Variants in GCSAML observed in about 807,000 individuals in gnomAD.
GCSAML encodes the protein germinal center-associated signaling and motility-like protein.
In GCSAML, 9 loss-of-function variants were observed where a neutral mutation model predicts 13.0. The observed-to-expected ratio is 0.69, with a 90% CI of 0.42 to 1.21. The LOEUF (loss-of-function observed/expected upper bound fraction) is 1.21, where lower values mean the gene tolerates loss of function less well. Ranked by LOEUF, GCSAML falls within the 50% of genes most tolerant of loss-of-function variation. The pLI is 0.00. For synonymous variants in GCSAML, 37 were observed against 52.9 expected (o/e 0.70, Z 1.31); for missense variants, 143 against 153.4 (o/e 0.93, Z 0.36).
At chr1:247,550,675 A>G (rs1295359676) in intron 1 of GCSAML, among the ~76,000 whole-genome samples, 4 of 152,116 alleles carry the variant, frequency 2.6e-5, no homozygotes, top group Non-Finnish European at 5.9e-5. Flanking sequence ...TTAAGGGTTC[A>G]TGGATGGAGA....
chr1:247,507,770 G>A (rs1665880968), intron 1 of GCSAML, among the ~76,000 whole-genome samples: 1 of 152,050 alleles, frequency 6.6e-6, no homozygotes, highest in Non-Finnish European at 1.5e-5. Context: ...GTGGTGTTTG[G>A]TTTTCTGTTC....
intron 2 of GCSAML, chr1:247,528,553 C>G (rs1361118331): frequency 1.3e-5 from 2 of 152,206 alleles, no homozygotes; most frequent in African/African-American, 4.8e-5. Flanking sequence ...AATGAATCTG[C>G]ATTATACACC....
intron 3 of GCSAML, 22 bp downstream of exon 3, chr1:247,563,661 T>A (rs1340590702): frequency 7.1e-7 from 1 of 1,402,510 alleles, no homozygotes; most frequent in South Asian, 1.2e-5. Flanking sequence ...CTGTATAATA[T>A]TTTTCATAGT....
chr1:247,546,401 C>T (rs1381888933), upstream of GCSAML, among the ~76,000 whole-genome samples: 1 of 152,120 alleles, frequency 6.6e-6, no homozygotes, highest in Admixed American at 6.5e-5. Flanking sequence ...CTCTGTCACC[C>T]AGGCTGGAGT....
In GCSAML at chr1:247,523,643, A is replaced by G. The variant is rs144473313; in HGVS notation, c.-262-3297A>G. Among the ~76,000 whole-genome samples, 549 of 152,330 alleles carry G rather than the reference A, an allele frequency of 3.6e-3. 3 individuals carry two copies. The Middle Eastern group carries it at 0.037, about 10-fold the overall frequency. ...TGTAGTTCAATACTAACCACAGTCA[A>G]TAAGATACTGTTTTGGGTTAGGAGG... On this transcript the variant is annotated intron_variant, in intron 1 of 5. Coordinates refer to the GCSAML transcript ENST00000366489.
chr1:247,521,305 T>TGTCTCCCTCTCCCTCTCCA (rs1666408862), intron 1 of GCSAML, among the ~76,000 whole-genome samples: 1 of 148,668 alleles, frequency 6.7e-6, no homozygotes, highest in Non-Finnish European at 1.5e-5. Context: ...AAAAACATAA[T>TGTCTCCCTCTCCCTCTCCA]GTCTCCCTCT....
chr1:247,549,052 G>A (rs1572345896), upstream of GCSAML: 2 of 1,590,282 alleles, frequency 1.3e-6, no homozygotes, highest in South Asian at 2.3e-5. Flanking sequence ...CAGGCCCCTG[G>A]CAGCTCGTGG....
At chr1:247,541,513 G>T (rs1298800788) in intron 2 of GCSAML, among the ~76,000 whole-genome samples, 1 of 152,112 alleles carries the variant, frequency 6.6e-6, no homozygotes. Flanking sequence ...CCAAGGTGGA[G>T]CCCAAATAAA....
In GCSAML at chr1:247,563,652, T is replaced by C. The variant is rs773198074; in HGVS notation, c.139+13T>C. ...CAAGATAAGAAAAGTAAGTCATGGC[T>C]GTATAATATTTTTCATAGTAGGGAA... On this transcript the variant is annotated intron_variant, in intron 3 of 4. Coordinates refer to ENST00000366488, the MANE Select transcript of GCSAML (RefSeq NM_145278.5). The C allele has an allele frequency of 2.0e-6, 3 of 1,488,132 alleles. No individual in the cohort carries two copies. Among genetic ancestry groups the C allele is most frequent in the African/African-American group, 2.8e-5 (2 of 72,344 alleles). 92.2% of individuals were successfully genotyped at this position (1,488,132 alleles called of 1,614,324 possible). A position where few individuals can be genotyped will look rare whatever the true frequency, so the allele number is the denominator to read the frequency against.
At chr1:247,563,266 C>A (rs779406390) in intron 2 of GCSAML, among the ~76,000 whole-genome samples, 72 of 152,288 alleles carry the variant, frequency 4.7e-4, no homozygotes, top group Non-Finnish European at 7.9e-4. Context: ...AATTTCAAAA[C>A]TTTCCATTTT....
intron 2 of GCSAML, chr1:247,532,591 T>G: frequency 7.7e-7 from 1 of 1,291,166 alleles, no homozygotes; most frequent in Non-Finnish European, 1.1e-6. Flanking sequence ...AGCAATTACA[T>G]CAGTTAGCAA....
chr1:247,560,641 C>T (rs1037784997), intron 2 of GCSAML, among the ~76,000 whole-genome samples: 1 of 151,882 alleles, frequency 6.6e-6, no homozygotes, highest in African/African-American at 2.4e-5. Flanking sequence ...AAAAATTGTA[C>T]ATATTGAAGG....
At chr1:247,524,487 C>T (rs1351859381) in intron 1 of GCSAML, among the ~76,000 whole-genome samples, 7 of 152,176 alleles carry the variant, frequency 4.6e-5, no homozygotes, top group South Asian at 2.1e-4. Flanking sequence ...ATCTCTTAAC[C>T]GACATTCTCA....
intron 1 of GCSAML, among the ~76,000 whole-genome samples, chr1:247,515,239 A>G (rs1387635799): frequency 6.6e-6 from 1 of 152,250 alleles, no homozygotes; most frequent in Non-Finnish European, 1.5e-5. Flanking sequence ...TGAGTTAAGT[A>G]ATGACAGCAT....
chr1:247,532,493 C>T lies in GCSAML; in HGVS notation c.-148+5439C>T, dbSNP rs759745560. 7.4e-6 allele frequency: 12 copies of T among 1,613,680 alleles called. No homozygotes were observed. In the East Asian group the frequency reaches 1.3e-4, roughly 18 times the overall value. Reference sequence around the variant, plus strand: ...AGGACAAAGACTTCTGGAGAACTCACATTGGCTATTTCCATCATTGTATGC... The same window carrying T: ...AGGACAAAGACTTCTGGAGAACTCATATTGGCTATTTCCATCATTGTATGC... On this transcript the variant is annotated intron_variant, in intron 2 of 5. Coordinates refer to the GCSAML transcript ENST00000366489.
At chr1:247,563,090 T>C (rs910835128) in intron 2 of GCSAML, among the ~76,000 whole-genome samples, 15 of 151,774 alleles carry the variant, frequency 9.9e-5, no homozygotes, top group Admixed American at 5.3e-4. Context: ...CCTCGTGATC[T>C]GCCCGCCTTG....
At chr1:247,556,322 T>C (rs1667943406) in intron 1 of GCSAML, 85 bp from the exon 2 acceptor site, 6 of 954,404 alleles carry the variant, frequency 6.3e-6, no homozygotes, top group Non-Finnish European at 5.0e-6. Flanking sequence ...GGTTTGGTTT[T>C]AATGGTCTAG....
intron 1 of GCSAML, among the ~76,000 whole-genome samples, chr1:247,553,901 T>C (rs972860079): frequency 6.6e-5 from 10 of 152,262 alleles, no homozygotes; most frequent in Non-Finnish European, 4.4e-5. Flanking sequence ...GCTAATTACC[T>C]ATCTTTTAAT....
At chr1:247,548,411 T>G (rs1667648483), upstream of GCSAML, among the ~76,000 whole-genome samples, 2 of 152,236 alleles carry the variant, frequency 1.3e-5, no homozygotes, top group East Asian at 3.8e-4. The surrounding 1 kb of genome is among the most constrained non-coding windows in gnomAD (Gnocchi z 5.3). Flanking sequence ...CCCATTGTCA[T>G]GTTAGTCTTT....
Sources: allele counts gnomAD v4.1 joint callset (sites outside exome capture counted in the v4.1 genomes callset), GRCh38; gene constraint gnomAD v4.1.1; non-coding constraint Gnocchi (gnomAD v3.1); transcripts MANE v1.5; gene names NCBI Gene and HGNC (gene_info 2026-07-23, HGNC 2026-07-21).